The following PARG variants were observed in gnomAD, a reference collection of about 807,000 sequenced individuals.
The protein encoded by PARG is mitochondrial poly(ADP-ribose) glycohydrolase.
A neutral mutation model predicts 113.0 loss-of-function variants in PARG; 35 were observed. That is an observed-to-expected ratio of 0.31 (90% CI 0.24 to 0.41). The LOEUF (loss-of-function observed/expected upper bound fraction) is 0.41, where lower values mean the gene tolerates loss of function less well. Ranked by LOEUF, PARG falls within the 10% of genes least tolerant of loss-of-function variation. The probability of loss-of-function intolerance (pLI) is 1.00; values close to 1 mark genes in which losing one functional copy is unlikely to be tolerated. For synonymous variants in PARG, 330 were observed against 409.9 expected (o/e 0.81, Z 2.36); for missense variants, 797 against 1,169.4 (o/e 0.68, Z 4.64).
chr10:49,917,600 C>T (rs1837570219), intron 6 of PARG, among the ~76,000 whole-genome samples: 1 of 151,436 alleles, frequency 6.6e-6, no homozygotes, highest in Non-Finnish European at 1.5e-5. Context: ...GCAGGTGAAT[C>T]GCTTGAGTCC....
chr10:49,924,978 TTC>T (rs1348672288), intron 4 of PARG, among the ~76,000 whole-genome samples: 1 of 152,130 alleles, frequency 6.6e-6, no homozygotes, highest in Admixed American at 6.5e-5. Context: ...GAGCTCTGCC[TTC>T]TGTCAGGTCA....
intron 6 of PARG, 44 bp downstream of exon 6, chr10:49,922,292 G>A (rs1554849466): frequency 1.3e-6 from 2 of 1,561,562 alleles, no homozygotes; most frequent in East Asian, 4.7e-5. Context: ...TGAAAGAGGA[G>A]ACACAGGGCC....
In PARG at chr10:49,844,884, C is replaced by T. The variant is rs180995349; in HGVS notation, c.2354-1252G>A. On this transcript the variant is annotated intron_variant, in intron 13 of 17. Coordinates refer to ENST00000616448, the MANE Select transcript of PARG (RefSeq NM_003631.5). ...AAGGACTTGTGTTCAGAATATGCGACGAACTCCTACATGTCTGCAATAAAA... is the reference window on the plus strand; with the variant it reads ...AAGGACTTGTGTTCAGAATATGCGATGAACTCCTACATGTCTGCAATAAAA... 2.0e-3 allele frequency among the ~76,000 whole-genome samples: 301 copies of T among 152,240 alleles called. 1 individual carries two copies. Among genetic ancestry groups the T allele is most frequent in the Non-Finnish European group, 1.2e-3 (82 of 68,018 alleles).
intron 7 of PARG, among the ~76,000 whole-genome samples, chr10:49,889,878 C>T (rs1428797474): frequency 6.6e-6 from 1 of 152,108 alleles, no homozygotes; most frequent in African/African-American, 2.4e-5. Flanking sequence ...TTTGGAAACA[C>T]AAAAAGGGAA....
intron 9 of PARG, among the ~76,000 whole-genome samples, chr10:49,874,710 C>A (rs549318925): frequency 0.013 from 1,997 of 149,678 alleles, 42 homozygotes; most frequent in African/African-American, 0.045. Context: ...AAAAATTAGC[C>A]GGGCGTGGTG....
At chr10:49,917,243 C>T (rs1837530705) in intron 6 of PARG, among the ~76,000 whole-genome samples, 2 of 152,172 alleles carry the variant, frequency 1.3e-5, no homozygotes, top group Middle Eastern at 3.4e-3. Context: ...GTAATCCCAG[C>T]ACTTTGGGAG....
chr10:49,874,500 G>A (rs1357726849), intron 9 of PARG, among the ~76,000 whole-genome samples: 1 of 152,116 alleles, frequency 6.6e-6, no homozygotes, highest in Admixed American at 6.5e-5. Flanking sequence ...TCGCCAAGAA[G>A]CCCCAGACTT....
intron 7 of PARG, among the ~76,000 whole-genome samples, chr10:49,893,019 A>G (rs1847887348): frequency 6.6e-6 from 1 of 152,220 alleles, no homozygotes; most frequent in South Asian, 2.1e-4. Flanking sequence ...TTTGGCTATT[A>G]TAAGTAAAAC....
intron 17 of PARG, 95 bp downstream of exon 17, chr10:49,820,070 G>T: frequency 2.4e-6 from 2 of 828,720 alleles, no homozygotes; most frequent in Non-Finnish European, 3.9e-6. Flanking sequence ...TTGTTTCTTC[G>T]TACCCACTGT....
Position 49,846,147 on chromosome 10 carries a change from T to C in PARG, c.2354-2515A>G, listed in dbSNP as rs552614002. Among the ~76,000 whole-genome samples the C allele has an allele frequency of 3.8e-3, 578 of 151,070 alleles. 7 individuals carry two copies. The highest frequency in any genetic ancestry group is 0.014 in the African/African-American group (558 of 41,116). On this transcript the variant is annotated intron_variant, in intron 13 of 17. Coordinates refer to ENST00000616448, the MANE Select transcript of PARG (RefSeq NM_003631.5). Reference sequence around the variant, plus strand: ...GATCACACAAAGGAATACTCCTTAGTAATAAAAGGGATAGAACCACTGACA... The same window carrying C: ...GATCACACAAAGGAATACTCCTTAGCAATAAAAGGGATAGAACCACTGACA...
intron 7 of PARG, among the ~76,000 whole-genome samples, chr10:49,900,993 A>G (rs1480160088): frequency 1.1e-4 from 17 of 152,310 alleles, no homozygotes; most frequent in Non-Finnish European, 2.1e-4. Flanking sequence ...AATGGATGTA[A>G]TTTGTCCAAG....
intron 10 of PARG, among the ~76,000 whole-genome samples, chr10:49,868,429 T>C (rs548771788): frequency 6.6e-6 from 1 of 152,220 alleles, no homozygotes; most frequent in African/African-American, 2.4e-5. Flanking sequence ...TAATTCCATA[T>C]CAGAGAAGCA....
At chr10:49,921,065 A>T (rs1554849172) in intron 6 of PARG, among the ~76,000 whole-genome samples, 1 of 152,044 alleles carries the variant, frequency 6.6e-6, no homozygotes, top group Admixed American at 6.6e-5. Flanking sequence ...AGAAAGAAGG[A>T]CGGAAATGTT....
chr10:49,908,228 T>C (rs1836965825), intron 7 of PARG, among the ~76,000 whole-genome samples: 3 of 152,224 alleles, frequency 2.0e-5, no homozygotes. Context: ...TAATCTGTCC[T>C]TTGGGATATG....
At chr10:49,932,771 T>C (rs1294583335) in intron 3 of PARG, among the ~76,000 whole-genome samples, 1 of 151,618 alleles carries the variant, frequency 6.6e-6, no homozygotes, top group Non-Finnish European at 1.5e-5. Flanking sequence ...ATCTCAGTTA[T>C]CTCATTTAGT....
At chr10:49,881,868 T>C (rs1291528920) in intron 8 of PARG, among the ~76,000 whole-genome samples, 1 of 152,272 alleles carries the variant, frequency 6.6e-6, no homozygotes, top group East Asian at 1.9e-4. Context: ...CTGAGAAAAA[T>C]AGAGAGCTCA....
At chr10:49,858,899 T>TTC (rs1159143960) in intron 12 of PARG, among the ~76,000 whole-genome samples, 1 of 152,164 alleles carries the variant, frequency 6.6e-6, no homozygotes, top group Non-Finnish European at 1.5e-5. Flanking sequence ...GTGCTGGGAA[T>TTC]CACTGGATAC....
At chr10:49,894,381 G>A (rs1266678330) in intron 7 of PARG, among the ~76,000 whole-genome samples, 20 of 151,830 alleles carry the variant, frequency 1.3e-4, no homozygotes, top group Non-Finnish European at 2.5e-4. Flanking sequence ...ATGTCTTTTC[G>A]TCACAAGTAT....
chr10:49,850,860 C>G (rs1289311865), intron 13 of PARG, among the ~76,000 whole-genome samples: 1 of 151,826 alleles, frequency 6.6e-6, no homozygotes, highest in Non-Finnish European at 1.5e-5. Context: ...AAGTTAAACC[C>G]TGGGTTTTCT....
Sources: allele counts gnomAD v4.1 joint callset (sites outside exome capture counted in the v4.1 genomes callset), GRCh38; gene constraint gnomAD v4.1.1; transcripts MANE v1.5; gene names NCBI Gene and HGNC (gene_info 2026-07-23, HGNC 2026-07-21).